Variants in SMCHD1 observed in about 807,000 individuals in gnomAD.
The protein encoded by SMCHD1 is structural maintenance of chromosomes flexible hinge domain-containing protein 1.
A neutral mutation model predicts 254.7 loss-of-function variants in SMCHD1; 78 were observed. The ratio of observed to expected loss-of-function variants is 0.31; its 90% CI spans 0.26 to 0.37. The LOEUF (loss-of-function observed/expected upper bound fraction) is 0.37. SMCHD1 is among the 10% of genes least tolerant of loss of function. The probability of loss-of-function intolerance (pLI) is 1.00; values close to 1 mark genes in which losing one functional copy is unlikely to be tolerated. For synonymous variants in SMCHD1, 766 were observed against 794.9 expected, an observed-to-expected ratio of 0.96 and a Z score of 0.61; for missense variants, 1,840 against 2,408.1, an observed-to-expected ratio of 0.76 and a Z score of 4.94.
At chr18:2,737,022 C>T (rs764805558) in intron 25 of SMCHD1, among the ~76,000 whole-genome samples, 2 of 152,144 alleles carry the variant, frequency 1.3e-5, no homozygotes, top group Non-Finnish European at 2.9e-5. Flanking sequence ...AGAAAATACA[C>T]CACAGAATAC....
chr18:2,760,006 C>T (rs1375215045), intron 34 of SMCHD1, among the ~76,000 whole-genome samples: 7 of 152,080 alleles, frequency 4.6e-5, no homozygotes, highest in Admixed American at 4.6e-4. Context: ...GTATTCAAAG[C>T]CTGTGCTTTG....
At chr18:2,674,171 T>G (rs1598294824) in intron 5 of SMCHD1, 26 bp downstream of exon 5, 18 of 1,539,124 alleles carry the variant, frequency 1.2e-5, no homozygotes, top group Non-Finnish European at 1.6e-5. Context: ...TTTTTTTTTT[T>G]TGTGGGTAGC....
At chr18:2,788,012 GGA>G (rs150412137) in intron 45 of SMCHD1, among the ~76,000 whole-genome samples, 9 of 152,160 alleles carry the variant, frequency 5.9e-5, no homozygotes, top group African/African-American at 2.2e-4. Flanking sequence ...ACCAGTCCTA[GGA>G]GAGAGAAATG....
intron 45 of SMCHD1, among the ~76,000 whole-genome samples, chr18:2,790,812 A>G (rs1385190831): frequency 1.3e-5 from 2 of 152,236 alleles, no homozygotes; most frequent in Non-Finnish European, 2.9e-5. Flanking sequence ...AAATGTCCCT[A>G]GCATAAAGAA....
intron 3 of SMCHD1, among the ~76,000 whole-genome samples, chr18:2,670,901 A>T (rs1426048375): frequency 2.5e-4 from 14 of 56,492 alleles, no homozygotes; most frequent in Admixed American, 1.8e-3. Context: ...GACTGCATCT[A>T]AAAAAAAAAA....
At chr18:2,757,197 A>G (rs2075697830) in intron 34 of SMCHD1, among the ~76,000 whole-genome samples, 1 of 152,064 alleles carries the variant, frequency 6.6e-6, no homozygotes, top group South Asian at 2.1e-4. Flanking sequence ...TAGTATTTGG[A>G]TCAAAAATTG....
In SMCHD1 at chr18:2,779,773, C is replaced by G. The variant is rs113477327; in HGVS notation, c.5547+1534C>G. ...GCTATAGGCTGTCGTGTGCTCTGAT[C>G]ATGCCTATGAATAGCCACTGCACTC... On this transcript the variant is annotated intron_variant, in intron 44 of 47. Coordinates refer to ENST00000320876, the MANE Select transcript of SMCHD1 (RefSeq NM_015295.3). Among the ~76,000 whole-genome samples, 674 of 152,210 alleles carry G rather than the reference C, an allele frequency of 4.4e-3. 5 individuals are homozygous for G. Among genetic ancestry groups the G allele is most frequent in the African/African-American group, 0.015 (641 of 41,540 alleles).
At position 2,671,671 on chromosome 18, in the gene SMCHD1, C is replaced by CT. The variant is rs552896266; in HGVS notation, c.425-1609dup. Reference sequence around the variant, plus strand: ...AGTGCAGTGGCACTATTTCGGCTCACTGCAAGCTCCGCCTCCCGGGTTCAC... The same window carrying CT: ...AGTGCAGTGGCACTATTTCGGCTCACTTGCAAGCTCCGCCTCCCGGGTTCAC... On this transcript the variant is annotated intron_variant, in intron 3 of 47. Transcript: ENST00000320876. Among the ~76,000 whole-genome samples, 5 of 149,928 alleles carry CT rather than the reference C, an allele frequency of 3.3e-5. No individual in the cohort carries two copies. In the South Asian group the frequency reaches 1.1e-3, roughly 32 times the overall value.
At chr18:2,656,406 A>C (rs1352347699) in intron 1 of SMCHD1, 145 bp downstream of exon 1, 4 of 794,270 alleles carry the variant, frequency 5.0e-6, no homozygotes, top group Non-Finnish European at 7.0e-6. Flanking sequence ...TGTGCCCGCC[A>C]TGTCCGTGAC....
chr18:2,688,240 T>C (rs529851681), intron 5 of SMCHD1, among the ~76,000 whole-genome samples, 154 bp from the exon 6 acceptor site: 2 of 152,366 alleles, frequency 1.3e-5, no homozygotes, highest in East Asian at 1.9e-4. Context: ...TGAGATGCAC[T>C]GGAGTAGATG....
intron 45 of SMCHD1, among the ~76,000 whole-genome samples, chr18:2,792,225 A>G (rs1016013401): frequency 6.6e-6 from 1 of 152,228 alleles, no homozygotes; most frequent in Non-Finnish European, 1.5e-5. Context: ...GTGGTCCCAT[A>G]AGATTATAAT....
At chr18:2,777,056 A>ACCC (rs140799401) in intron 42 of SMCHD1, among the ~76,000 whole-genome samples, 1 of 90,628 alleles carries the variant, frequency 1.1e-5, no homozygotes, top group East Asian at 2.8e-4. Flanking sequence ...GGCATGCACC[A>ACCC]CCACCTCCCC....
At chr18:2,747,701 T>C in intron 30 of SMCHD1, 54 bp downstream of exon 30, 1 of 1,356,732 alleles carries the variant, frequency 7.4e-7, no homozygotes, top group African/African-American at 1.5e-5. Context: ...TTCATTTTCA[T>C]GATAGTATCT....
chr18:2,656,847 G>A (rs1268091736), intron 1 of SMCHD1, among the ~76,000 whole-genome samples: 2 of 152,186 alleles, frequency 1.3e-5, no homozygotes. Flanking sequence ...AGCTCTGCAG[G>A]TAGAGCTGGC....
chr18:2,755,863 G>A (rs1257769553), intron 34 of SMCHD1, among the ~76,000 whole-genome samples: 2 of 151,910 alleles, frequency 1.3e-5, no homozygotes, highest in Non-Finnish European at 2.9e-5. Context: ...CACCGCCCTC[G>A]GCCGTGTATT....
Position 2,694,694 on chromosome 18 carries a change from G to C in SMCHD1, c.1040+1G>C. 1 of 1,609,258 alleles carries C rather than the reference G, an allele frequency of 6.2e-7. No homozygotes were observed. Among genetic ancestry groups the C allele is most frequent in the Non-Finnish European group, 8.5e-7 (1 of 1,178,358 alleles). ...TCCACCTTTGGACACGACAGTTAGC[G>C]TAAGTAATTATATTTGGCTTAGGAA... is the stretch of plus-strand genomic sequence containing the variant. On this transcript the variant is annotated splice_donor_variant, in intron 8 of 47. Transcript: ENST00000320876. LOFTEE classifies it high-confidence loss of function.
chr18:2,764,801 A>G (rs1039048985), intron 37 of SMCHD1, among the ~76,000 whole-genome samples: 13 of 152,210 alleles, frequency 8.5e-5, no homozygotes, highest in Non-Finnish European at 1.5e-4. Flanking sequence ...TTGAGTATCT[A>G]TGGGAGTCCT....
intron 47 of SMCHD1, among the ~76,000 whole-genome samples, chr18:2,802,180 T>C (rs1238978142): frequency 6.6e-6 from 1 of 152,178 alleles, no homozygotes; most frequent in Non-Finnish European, 1.5e-5. Context: ...TAATAAGCAT[T>C]ATAATTCCTG....
intron 17 of SMCHD1, among the ~76,000 whole-genome samples, chr18:2,708,212 G>A (rs1033247839): frequency 1.3e-4 from 19 of 151,674 alleles, no homozygotes; most frequent in African/African-American, 4.6e-4. Flanking sequence ...AAGCATATAT[G>A]TATTATTACA....
Sources: allele counts gnomAD v4.1 joint callset (sites outside exome capture counted in the v4.1 genomes callset), GRCh38; gene constraint gnomAD v4.1.1; transcripts MANE v1.5; gene names NCBI Gene and HGNC (gene_info 2026-07-23, HGNC 2026-07-21).